KCNB2: variants seen among roughly 807,000 people sequenced by gnomAD.
KCNB2 encodes the protein potassium voltage-gated channel subfamily B member 2.
A neutral mutation model predicts 61.5 loss-of-function variants in KCNB2; 15 were observed. That is an observed-to-expected ratio of 0.24 (90% CI 0.16 to 0.38). The LOEUF is 0.38. KCNB2 is among the 10% of genes least tolerant of loss of function. KCNB2 has a pLI of 1.00. For synonymous variants in KCNB2, 457 were observed against 446.0 expected (o/e 1.02, Z -0.31); for missense variants, 828 against 1,125.2 (o/e 0.74, Z 3.78).
At chr8:72,722,174 C>T (rs1283812690) in intron 2 of KCNB2, among the ~76,000 whole-genome samples, 7 of 152,310 alleles carry the variant, frequency 4.6e-5, no homozygotes, top group African/African-American at 1.7e-4. Context: ...TGCAGGCTAT[C>T]CTGGTGGCCA....
At chr8:72,723,500 G>A (rs1345288091) in intron 2 of KCNB2, among the ~76,000 whole-genome samples, 1 of 152,098 alleles carries the variant, frequency 6.6e-6, no homozygotes, top group African/African-American at 2.4e-5. Flanking sequence ...TGTCCTCATG[G>A]TCTCCCTGGA....
intron 2 of KCNB2, among the ~76,000 whole-genome samples, chr8:72,792,701 C>A (rs1483297370): frequency 6.6e-6 from 1 of 152,196 alleles, no homozygotes; most frequent in Non-Finnish European, 1.5e-5. Flanking sequence ...TATGGTACAA[C>A]TAGAGTTGGA....
intron 2 of KCNB2, among the ~76,000 whole-genome samples, chr8:72,747,608 A>T (rs568321996): frequency 4.6e-5 from 7 of 152,330 alleles, no homozygotes; most frequent in African/African-American, 1.7e-4. Context: ...AAGTCCATAG[A>T]GTAAAGTGAA....
intron 2 of KCNB2, among the ~76,000 whole-genome samples, chr8:72,582,954 A>G (rs189890908): frequency 8.0e-4 from 122 of 152,240 alleles, no homozygotes; most frequent in African/African-American, 2.8e-3. Flanking sequence ...GTAATGTGAA[A>G]AGGGGAAATC....
intron 2 of KCNB2, among the ~76,000 whole-genome samples, chr8:72,774,039 T>G (rs2255494): frequency 0.32 from 48,506 of 151,934 alleles, 7,922 homozygotes; most frequent in African/African-American, 0.37. Flanking sequence ...TATATGCTAC[T>G]GGACCAAGGG....
chr8:72,642,488 C>T (rs919642003), intron 2 of KCNB2, among the ~76,000 whole-genome samples: 13 of 152,032 alleles, frequency 8.6e-5, no homozygotes, highest in African/African-American at 2.7e-4. Context: ...TTTGTGGACT[C>T]ACACAGCTTA....
rs576522827 is a variant in KCNB2, at chr8:72,801,832, G to GA, written c.580-134093dup. ...AAAAGAGGGCTATGTGACAGAAAAAGAAAAAAAAAACAAAAAACAAAAAAC... is the reference window on the plus strand; with the variant it reads ...AAAAGAGGGCTATGTGACAGAAAAAGAAAAAAAAAAACAAAAAACAAAAAAC... On this transcript the variant is annotated intron_variant, in intron 2 of 2. Coordinates refer to ENST00000523207, the MANE Select transcript of KCNB2 (RefSeq NM_004770.3). 1.1e-3 allele frequency among the ~76,000 whole-genome samples: 149 copies of GA among 140,884 alleles called. 1 individual carries two copies. The highest frequency in any genetic ancestry group is 2.6e-3 in the African/African-American group (100 of 38,308). 92.4% of individuals were successfully genotyped at this position (140,884 alleles called of 152,430 possible).
chr8:72,934,388 C>T (rs997022639), intron 2 of KCNB2, among the ~76,000 whole-genome samples: 2 of 129,438 alleles, frequency 1.5e-5, no homozygotes, highest in Non-Finnish European at 3.3e-5. Flanking sequence ...CCCCCTTCAC[C>T]CCCCGCAAAA....
chr8:72,794,521 C>T (rs549483055), intron 2 of KCNB2, among the ~76,000 whole-genome samples: 85 of 143,612 alleles, frequency 5.9e-4, no homozygotes, highest in Admixed American at 2.9e-3. Context: ...GCTGAGATCG[C>T]GCCACTGCAC....
chr8:72,772,212 C>T (rs966124036), intron 2 of KCNB2, among the ~76,000 whole-genome samples: 3 of 152,238 alleles, frequency 2.0e-5, no homozygotes, highest in African/African-American at 7.2e-5. Context: ...ACATTATCCT[C>T]GATATACAGC....
intron 2 of KCNB2, among the ~76,000 whole-genome samples, chr8:72,702,215 G>T (rs1207319918): frequency 6.6e-6 from 1 of 152,128 alleles, no homozygotes; most frequent in Non-Finnish European, 1.5e-5. Context: ...TTCAAATTCT[G>T]TGCCAGCTCC....
At chr8:72,654,357 T>G (rs373229141) in intron 2 of KCNB2, among the ~76,000 whole-genome samples, 1 of 152,184 alleles carries the variant, frequency 6.6e-6, no homozygotes, top group Non-Finnish European at 1.5e-5. Context: ...CATTTTAGCA[T>G]AAGATGTAAA....
chr8:72,580,387 C>A (rs1041694151), intron 2 of KCNB2, among the ~76,000 whole-genome samples: 1 of 152,188 alleles, frequency 6.6e-6, no homozygotes, highest in Non-Finnish European at 1.5e-5. Context: ...CCAGTCTAGC[C>A]ACAGCCTGGC....
chr8:72,899,056 G>T (rs975505746), intron 2 of KCNB2, among the ~76,000 whole-genome samples: 1 of 152,078 alleles, frequency 6.6e-6, no homozygotes, highest in African/African-American at 2.4e-5. Context: ...GGGCACCTAG[G>T]CTTTAATCCT....
chr8:72,819,878 T>C (rs944841430), intron 2 of KCNB2, among the ~76,000 whole-genome samples: 1 of 152,108 alleles, frequency 6.6e-6, no homozygotes, highest in African/African-American at 2.4e-5. Context: ...GTGCAAACTG[T>C]CTAAAATCTA....
At chr8:72,694,434 G>A (rs189956449) in intron 2 of KCNB2, among the ~76,000 whole-genome samples, 7 of 152,106 alleles carry the variant, frequency 4.6e-5, no homozygotes, top group Non-Finnish European at 2.9e-5. Flanking sequence ...AGAGAAATCT[G>A]CCTTAATCGA....
chr8:72,906,717 C>T (rs1806183696), intron 2 of KCNB2, among the ~76,000 whole-genome samples: 1 of 152,156 alleles, frequency 6.6e-6, no homozygotes, highest in South Asian at 2.1e-4. Context: ...CATTTGATTG[C>T]TTTCTAATTA....
chr8:72,712,960 C>A (rs556788110), intron 2 of KCNB2, among the ~76,000 whole-genome samples: 102 of 152,354 alleles, frequency 6.7e-4, no homozygotes, highest in African/African-American at 2.1e-3. Flanking sequence ...TCACTCCCAC[C>A]CTAATACTGC....
At chr8:72,753,348 A>G (rs1808232072) in intron 2 of KCNB2, among the ~76,000 whole-genome samples, 1 of 152,236 alleles carries the variant, frequency 6.6e-6, no homozygotes, top group Non-Finnish European at 1.5e-5. Flanking sequence ...CATCAGTTTT[A>G]TAATAGTACA....
Sources: allele counts gnomAD v4.1 joint callset (sites outside exome capture counted in the v4.1 genomes callset), GRCh38; gene constraint gnomAD v4.1.1; transcripts MANE v1.5; gene names NCBI Gene and HGNC (gene_info 2026-07-23, HGNC 2026-07-21).